The following PTPN23 variants were observed in gnomAD, a reference collection of about 807,000 sequenced individuals.
The protein encoded by PTPN23 is protein tyrosine phosphatase non-receptor type 23, also known as tyrosine-protein phosphatase non-receptor type 23.
PTPN23 carries 72 observed loss-of-function variants against 156.3 expected under a neutral mutation model. That is an observed-to-expected ratio of 0.46 (90% CI 0.38 to 0.56). The LOEUF (loss-of-function observed/expected upper bound fraction) is 0.56, where lower values mean the gene tolerates loss of function less well. Ranked by LOEUF, PTPN23 falls within the 20% of genes least tolerant of loss-of-function variation. The probability of loss-of-function intolerance (pLI) is 0.00; values close to 1 mark genes in which losing one functional copy is unlikely to be tolerated. For missense variants in PTPN23, 1,974 were observed against 2,171.5 expected, an observed-to-expected ratio of 0.91 and a Z score of 1.81; for synonymous variants, 957 against 899.6, an observed-to-expected ratio of 1.06 and a Z score of -1.14.
Position 47,405,105 on chromosome 3 carries a change from C to A in PTPN23, c.364+24C>A. The A allele has an allele frequency of 6.2e-7, 1 of 1,608,124 alleles. No individual in the cohort carries two copies. Among genetic ancestry groups the A allele is most frequent in the Non-Finnish European group, 8.5e-7 (1 of 1,174,588 alleles). On this transcript the variant is annotated intron_variant, in intron 4 of 24. Coordinates refer to ENST00000265562, the MANE Select transcript of PTPN23 (RefSeq NM_015466.4). The surrounding 1 kb of genome is among the most constrained non-coding windows in gnomAD (Gnocchi z 4.7). ...TGGTGAGCTGCCTGATCCCTTCCCCCGGCCCTACTCCCCAGTCCTGCCAGC... is the reference window on the plus strand; with the variant it reads ...TGGTGAGCTGCCTGATCCCTTCCCCAGGCCCTACTCCCCAGTCCTGCCAGC...
rs766407272 is a variant in PTPN23 at position 47,412,622 on chromosome 3, CAGA to C, written c.4429_4431del (p.Lys1477del). 13 of 1,612,928 alleles carry C rather than the reference CAGA, an allele frequency of 8.1e-6. No individual in the cohort carries two copies. Among genetic ancestry groups the C allele is most frequent in the Admixed American group, 6.7e-5 (4 of 59,954 alleles). ...ACCCTTGGCCAGTGCAAGCATCAGC[CAGA>C]AGGTGAGGAAGGTTCCGTGGAAGCT... On this transcript the variant is annotated inframe_deletion and splice_region_variant, in exon 24 of 25. Transcript: ENST00000265562.
rs200760137 is a variant in PTPN23, at chr3:47,407,879, C to T, written c.1119-11C>T. 316 of 1,613,996 alleles carry T rather than the reference C, an allele frequency of 2.0e-4. No homozygotes were observed. Among genetic ancestry groups the T allele is most frequent in the Non-Finnish European group, 2.5e-4 (291 of 1,180,018 alleles). ...TGTGGGTCTTCAGCAAATGCTCTGT[C>T]GCTTCTGCAGTGAGGAGAAGGCCAA... On this transcript the variant is annotated splice_polypyrimidine_tract_variant and intron_variant, in intron 13 of 24. Coordinates refer to ENST00000265562, the MANE Select transcript of PTPN23 (RefSeq NM_015466.4). The surrounding 1 kb of genome is among the most constrained non-coding windows in gnomAD (Gnocchi z 4.0).
In PTPN23 at chr3:47,406,397, A is replaced by C. The variant is rs746584062; in HGVS notation, c.619A>C (p.Ser207Arg). Residue 207 changes from serine to arginine, a missense_variant, in exon 7 of 25, where the codon AGT (serine) becomes CGT (arginine). Ser to Arg is a moderately radical substitution (Grantham distance 110, BLOSUM62 -1). Transcript: ENST00000265562. This position sits in a 1 kb window ranked among gnomAD's most constrained non-coding sequence, Gnocchi z 5.8. ...NRKSFLVARI[S>R]AQVVDYYKEA... Reference sequence around the variant, plus strand: ...GAAGAGCTTTCTGGTGGCCCGCATCAGTGCACAGGTAGGGACGGGGCTGAG... The same window carrying C: ...GAAGAGCTTTCTGGTGGCCCGCATCCGTGCACAGGTAGGGACGGGGCTGAG... The C allele has an allele frequency of 2.5e-6, 4 of 1,613,946 alleles. No homozygotes were observed. Among genetic ancestry groups the C allele is most frequent in the Non-Finnish European group, 3.4e-6 (4 of 1,180,002 alleles).
chr3:47,412,484 C>T (rs1314538330), intron 23 of PTPN23, 30 bp from the exon 24 acceptor site: 5 of 1,611,814 alleles, frequency 3.1e-6, no homozygotes, highest in African/African-American at 2.7e-5. Context: ...GGCCCCTGCC[C>T]AGCTGACCTG....
chr3:47,382,212 A>G (rs1389676932), intron 1 of PTPN23, among the ~76,000 whole-genome samples: 2 of 152,198 alleles, frequency 1.3e-5, no homozygotes, highest in African/African-American at 2.4e-5. Context: ...TGAGTCCATC[A>G]TCTAGCCTCT....
chr3:47,407,065 G>T lies in PTPN23; in HGVS notation c.808-65G>T. On this transcript the variant is annotated intron_variant, in intron 9 of 24. Transcript: ENST00000265562. The surrounding 1 kb of genome is among the most constrained non-coding windows in gnomAD (Gnocchi z 4.0). ...CTGATGGACAGGCAGGGCCGGGTGG[G>T]AGGCAGGAGGAGAAAGGGTCCAAGC... 1 of 1,602,264 alleles carries T rather than the reference G, an allele frequency of 6.2e-7. No homozygotes were observed. Among genetic ancestry groups the T allele is most frequent in the East Asian group, 2.2e-5 (1 of 44,766 alleles).
At position 47,405,419 on chromosome 3, in the gene PTPN23, C is replaced by T; in HGVS notation, c.365-330C>T. 4 of 533,256 alleles carry T rather than the reference C, an allele frequency of 7.5e-6. No individual in the cohort carries two copies. The highest frequency in any genetic ancestry group is 6.7e-6 in the Non-Finnish European group (2 of 296,660). The allele number at this position is 533,256 out of a possible 1,614,324, so 33.0% of individuals were successfully genotyped here. A position where few individuals can be genotyped will look rare whatever the true frequency, so the allele number is the denominator to read the frequency against. On this transcript the variant is annotated intron_variant, in intron 4 of 24. Transcript: ENST00000265562. The surrounding 1 kb of genome is among the most constrained non-coding windows in gnomAD (Gnocchi z 4.7). ...CAGGCAGGAGGAGAGTGTGGCTGGC[C>T]TCAGCTTACCCTGCTAGTCAGCCTT...
Position 47,406,201 on chromosome 3 carries a change from G to C in PTPN23, c.547-124G>C, listed in dbSNP as rs531666812. The C allele has an allele frequency of 6.9e-7, 1 of 1,445,274 alleles. No homozygotes were observed. The highest frequency in any genetic ancestry group is 1.2e-5 in the South Asian group (1 of 81,206). The allele number at this position is 1,445,274 out of a possible 1,614,324, so 89.5% of individuals were successfully genotyped here. A position where few individuals can be genotyped will look rare whatever the true frequency, so the allele number is the denominator to read the frequency against. Reference sequence around the variant, plus strand: ...GGAGCACCGTGGTGCTGCTTGGAGTGGGGGCAGCTGGGGGAGAGGGCAGTG... The same window carrying C: ...GGAGCACCGTGGTGCTGCTTGGAGTCGGGGCAGCTGGGGGAGAGGGCAGTG... On this transcript the variant is annotated intron_variant, in intron 6 of 24. Transcript: ENST00000265562. This position sits in a 1 kb window ranked among gnomAD's most constrained non-coding sequence, Gnocchi z 5.8.
chr3:47,411,200 T>G lies in PTPN23; in HGVS notation c.3402T>G (p.Pro1134=). The G allele has an allele frequency of 6.2e-7, 1 of 1,604,196 alleles. No homozygotes were observed. The highest frequency in any genetic ancestry group is 1.3e-5 in the African/African-American group (1 of 74,910). ...PESQHGGTQS[P]GGGQPLLQPT... ...GCCAGCATGGCGGCACTCAGTCTCC[T>G]GGGGGTGGGCAGCCCCTGCTGCAGC... is the stretch of plus-strand genomic sequence containing the variant. The change falls in exon 20 of 25, where the codon CCT becomes CCG. Residue 1134 remains proline, a synonymous_variant. Transcript: ENST00000265562. The surrounding 1 kb of genome is among the most constrained non-coding windows in gnomAD (Gnocchi z 6.3).
chr3:47,385,502 C>A (rs546215393), intron 1 of PTPN23, among the ~76,000 whole-genome samples: 26 of 152,196 alleles, frequency 1.7e-4, no homozygotes, highest in African/African-American at 5.3e-4. Context: ...TATGATGAAA[C>A]CCCATCTCTA....
Position 47,410,850 on chromosome 3 carries a change from C to G in PTPN23, c.3052C>G (p.Leu1018Val), listed in dbSNP as rs1705265323. 3 of 1,607,122 alleles carry G rather than the reference C, an allele frequency of 1.9e-6. No individual in the cohort carries two copies. Among genetic ancestry groups the G allele is most frequent in the Non-Finnish European group, 8.5e-7 (1 of 1,175,544 alleles). ...GCCGCCACCCCCCCTACACACCCAGCTCTACCCAGGTCCCGCTCAAGACCC... is the reference window on the plus strand; with the variant it reads ...GCCGCCACCCCCCCTACACACCCAGGTCTACCCAGGTCCCGCTCAAGACCC... ...GQPPPPLHTQLYPGPAQDPLP... is the reference protein window; with the variant it reads ...GQPPPPLHTQVYPGPAQDPLP... Residue 1018 changes from leucine to valine, a missense_variant, in exon 20 of 25, where the codon CTC becomes GTC. Physicochemically the swap from Leu to Val is conservative, Grantham distance 32. Transcript: ENST00000265562.
Position 47,407,185 on chromosome 3 carries a change from A to G in PTPN23, c.863A>G (p.Lys288Arg), listed in dbSNP as rs1261274051. 1 of 1,614,030 alleles carries G rather than the reference A, an allele frequency of 6.2e-7. No homozygotes were observed. The highest frequency in any genetic ancestry group is 1.1e-5 in the South Asian group (1 of 91,086). ...DKLNEAIKLA[K>R]GQPDTVQDAL... ...CTCAATGAAGCCATCAAGTTGGCCA[A>G]GGTAAAGCTGAGGAAGGCCTGGCTG... Residue 288 changes from lysine to arginine, a missense_variant and splice_region_variant, in exon 10 of 25, where the codon AAG (lysine) becomes AGG (arginine). By Grantham distance (26) the Lys-to-Arg change is conservative (BLOSUM62 2). Transcript: ENST00000265562. The surrounding 1 kb of genome is among the most constrained non-coding windows in gnomAD (Gnocchi z 4.0).
At chr3:47,386,133 G>A (rs1311391233) in intron 1 of PTPN23, among the ~76,000 whole-genome samples, 1 of 152,052 alleles carries the variant, frequency 6.6e-6, no homozygotes, top group Non-Finnish European at 1.5e-5. Flanking sequence ...TCCACCACTG[G>A]GTTAGCCTGC....
chr3:47,412,915 C>T lies in PTPN23; in HGVS notation c.4641C>T (p.Pro1547=), dbSNP rs763008337. 34 of 1,603,080 alleles carry T rather than the reference C, an allele frequency of 2.1e-5. No homozygotes were observed. The South Asian group carries it at 2.9e-4, about 14-fold the overall frequency. ...CAATCCCATCTTCCTCCCCGCCCCCCCTTTCCTCCCCACTACCTGAGGCTC... is the reference window on the plus strand; with the variant it reads ...CAATCCCATCTTCCTCCCCGCCCCCTCTTTCCTCCCCACTACCTGAGGCTC... ...STPIPSSSPP[P]LSSPLPEAPQ... The change falls in exon 25 of 25, where the codon CCC becomes CCT. Residue 1547 remains proline, a synonymous_variant. Transcript: ENST00000265562.
Position 47,405,644 on chromosome 3 carries a change from GA to G in PTPN23, c.365-104del. ...CTTGGACTCGTTGCCCTGGTTCTCA[GA>G]GCCATGTTGTCCTGATTGTGGATAA... On this transcript the variant is annotated intron_variant, in intron 4 of 24. Transcript: ENST00000265562. The surrounding 1 kb of genome is among the most constrained non-coding windows in gnomAD (Gnocchi z 4.7). 1 of 1,215,150 alleles carries G rather than the reference GA, an allele frequency of 8.2e-7. No homozygotes were observed. The highest frequency in any genetic ancestry group is 1.2e-6 in the Non-Finnish European group (1 of 857,496). 75.3% of individuals were successfully genotyped at this position (1,215,150 alleles called of 1,614,324 possible).
Position 47,407,408 on chromosome 3 carries a change from A to C in PTPN23, c.923+41A>C. The C allele has an allele frequency of 2.5e-6, 4 of 1,612,138 alleles. No individual in the cohort carries two copies. Among genetic ancestry groups the C allele is most frequent in the Non-Finnish European group, 3.4e-6 (4 of 1,178,654 alleles). On this transcript the variant is annotated intron_variant, in intron 11 of 24. Coordinates refer to ENST00000265562, the MANE Select transcript of PTPN23 (RefSeq NM_015466.4). This position sits in a 1 kb window ranked among gnomAD's most constrained non-coding sequence, Gnocchi z 4.0. ...TGGCCCTGGTTCCCTCTTTTTGTGAAGGGTCTTGTCCCTCTGCTGGCATCT... is the reference window on the plus strand; with the variant it reads ...TGGCCCTGGTTCCCTCTTTTTGTGACGGGTCTTGTCCCTCTGCTGGCATCT...
chr3:47,408,000 C>T lies in PTPN23; in HGVS notation c.1184+45C>T. ...AGGGAGGCGGAGGCAGGCAGCACTT[C>T]CCGGGCCTCTGGGGGCCCCAGGGCT... On this transcript the variant is annotated intron_variant, in intron 14 of 24. Transcript: ENST00000265562. This position sits in a 1 kb window ranked among gnomAD's most constrained non-coding sequence, Gnocchi z 4.0. The T allele has an allele frequency of 6.3e-7, 1 of 1,597,858 alleles. No individual in the cohort carries two copies. The highest frequency in any genetic ancestry group is 1.3e-5 in the African/African-American group (1 of 74,668).
Position 47,407,755 on chromosome 3 carries a change from T to C in PTPN23, c.1062T>C (p.Pro354=). 1.9e-6 allele frequency: 3 copies of C among 1,613,852 alleles called. No individual in the cohort carries two copies. Among genetic ancestry groups the C allele is most frequent in the Non-Finnish European group, 2.5e-6 (3 of 1,179,926 alleles). ...CCACAGACCCAGCTGTTACAGGCCC[T>C]GACATCTTTGCCAAACTGGTACCCA... is the stretch of plus-strand genomic sequence containing the variant. ...VNPTDPAVTG[P]DIFAKLVPMA... The change falls in exon 13 of 25, where the codon CCT becomes CCC. Residue 354 remains proline, a synonymous_variant. Coordinates refer to ENST00000265562, the MANE Select transcript of PTPN23 (RefSeq NM_015466.4). The surrounding 1 kb of genome is among the most constrained non-coding windows in gnomAD (Gnocchi z 4.0).
intron 1 of PTPN23, among the ~76,000 whole-genome samples, chr3:47,388,580 C>T (rs981037990): frequency 7.3e-5 from 11 of 151,642 alleles, no homozygotes; most frequent in African/African-American, 2.7e-4. Context: ...CTTTGTGTTA[C>T]AGACAATCCA....
Sources: gnomAD v4.1 joint callset for allele counts (sites outside exome capture counted in the v4.1 genomes callset) on GRCh38, gnomAD v4.1.1 for gene constraint, Gnocchi (gnomAD v3.1) non-coding constraint, MANE v1.5 for transcripts, NCBI Gene and HGNC (gene_info 2026-07-23, HGNC 2026-07-21) for gene names.